The following LRRC28 variants were observed in gnomAD, a reference collection of about 807,000 sequenced individuals.
The protein encoded by LRRC28 is leucine-rich repeat-containing protein 28.
Under a neutral mutation model 45.7 loss-of-function variants are expected in LRRC28, and 39 were observed. The ratio of observed to expected loss-of-function variants is 0.85; its 90% CI spans 0.66 to 1.12. The LOEUF (loss-of-function observed/expected upper bound fraction) is 1.12, where lower values mean the gene tolerates loss of function less well. LRRC28 is among the 50% of genes most tolerant of loss of function. The pLI, the probability that LRRC28 is intolerant of heterozygous loss-of-function variation, is 0.00. For missense variants in LRRC28, 435 were observed against 438.5 expected, an observed-to-expected ratio of 0.99 and a Z score of 0.07; for synonymous variants, 206 against 178.8, an observed-to-expected ratio of 1.15 and a Z score of -1.22.
intron 9 of LRRC28, among the ~76,000 whole-genome samples, chr15:99,374,518 A>G (rs780855515): frequency 6.6e-6 from 1 of 152,196 alleles, no homozygotes; most frequent in Non-Finnish European, 1.5e-5. Context: ...GATTTTCTGC[A>G]TAGAAAATCA....
chr15:99,287,002 A>T (rs2081975161), intron 3 of LRRC28: 1 of 345,132 alleles, frequency 2.9e-6, no homozygotes, highest in Non-Finnish European at 5.3e-6. Context: ...TTTATCCATT[A>T]TGTATGCTTT....
intron 6 of LRRC28, among the ~76,000 whole-genome samples, chr15:99,349,840 T>C (rs1301795371): frequency 6.6e-6 from 1 of 152,188 alleles, no homozygotes; most frequent in African/African-American, 2.4e-5. Flanking sequence ...TTCAAACTCA[T>C]AAGTAGAAAA....
At chr15:99,298,856 G>A (rs1263941675) in intron 5 of LRRC28, among the ~76,000 whole-genome samples, 1 of 152,056 alleles carries the variant, frequency 6.6e-6, no homozygotes, top group Non-Finnish European at 1.5e-5. Context: ...TTACAGACAT[G>A]TGCCACCACA....
chr15:99,270,724 G>T (rs2081455438), intron 2 of LRRC28, among the ~76,000 whole-genome samples: 1 of 152,152 alleles, frequency 6.6e-6, no homozygotes, highest in Non-Finnish European at 1.5e-5. Flanking sequence ...ATTGTGAATA[G>T]TGCTGCTATG....
chr15:99,283,000 C>CT (rs1363921169), intron 3 of LRRC28, among the ~76,000 whole-genome samples: 1 of 152,074 alleles, frequency 6.6e-6, no homozygotes, highest in East Asian at 1.9e-4. Flanking sequence ...TCAAGAGATT[C>CT]TTCTGCCTCA....
chr15:99,292,593 T>C (rs2082153090), intron 5 of LRRC28, among the ~76,000 whole-genome samples: 2 of 151,996 alleles, frequency 1.3e-5, no homozygotes, highest in Admixed American at 1.3e-4. Context: ...CTCGATCTCC[T>C]GACCTCATGA....
At chr15:99,333,116 A>G (rs1956210669) in intron 5 of LRRC28, among the ~76,000 whole-genome samples, 2 of 152,092 alleles carry the variant, frequency 1.3e-5, no homozygotes, top group African/African-American at 4.8e-5. Context: ...CTTCCCCTAA[A>G]ATGGTGATTT....
At chr15:99,385,544 C>A (rs1462762886) in intron 9 of LRRC28, among the ~76,000 whole-genome samples, 1 of 152,224 alleles carries the variant, frequency 6.6e-6, no homozygotes, top group Non-Finnish European at 1.5e-5. Context: ...CTGAAATGAC[C>A]TCTACGAGCA....
At chr15:99,260,223 T>C (rs557834059) in intron 2 of LRRC28, among the ~76,000 whole-genome samples, 1 of 152,320 alleles carries the variant, frequency 6.6e-6, no homozygotes, top group South Asian at 2.1e-4. Flanking sequence ...ATTTGTACTA[T>C]TTAACTGACT....
At position 99,387,737 on chromosome 15, in the gene LRRC28, T is replaced by A. The variant is rs1212253058; in HGVS notation, c.*1635T>A. 1 of 152,182 alleles carries A rather than the reference T, an allele frequency of 6.6e-6. No homozygotes were observed. Among genetic ancestry groups the A allele is most frequent in the Non-Finnish European group, 1.5e-5 (1 of 68,042 alleles). 9.4% of individuals were successfully genotyped at this position (152,182 alleles called of 1,614,324 possible). On this transcript the variant is annotated 3_prime_UTR_variant, in exon 10 of 10. Coordinates refer to ENST00000301981, the MANE Select transcript of LRRC28 (RefSeq NM_144598.5). ...AAGTTTTCTAAAAGGCAGGGCTGAATGGAGAACCAAGAATTTGCTTGGTAG... is the reference window on the plus strand; with the variant it reads ...AAGTTTTCTAAAAGGCAGGGCTGAAAGGAGAACCAAGAATTTGCTTGGTAG...
chr15:99,295,747 A>G (rs1469185042), intron 5 of LRRC28, among the ~76,000 whole-genome samples: 1 of 152,224 alleles, frequency 6.6e-6, no homozygotes, highest in Admixed American at 6.5e-5. Context: ...TTTTAGCCCA[A>G]GTTAATAGCA....
chr15:99,384,283 T>G (rs900362493), intron 9 of LRRC28: 2 of 152,204 alleles, frequency 1.3e-5, no homozygotes, highest in African/African-American at 4.8e-5. Flanking sequence ...GTTTCTGATA[T>G]GAAGAAATGT....
chr15:99,286,605 C>T (rs1458567312), intron 3 of LRRC28: 2 of 152,196 alleles, frequency 1.3e-5, no homozygotes, highest in Non-Finnish European at 2.9e-5. Context: ...GAAGTCTCCA[C>T]CAGAGTGTGC....
intron 2 of LRRC28, 42 bp downstream of exon 2, chr15:99,256,167 G>A (rs777602276): frequency 6.6e-7 from 1 of 1,523,306 alleles, no homozygotes; most frequent in South Asian, 1.3e-5. Flanking sequence ...ATTTATACAT[G>A]TGGTCCTGAT....
intron 2 of LRRC28, chr15:99,259,759 G>A: frequency 1.4e-6 from 2 of 1,389,690 alleles, no homozygotes; most frequent in South Asian, 2.3e-5. Flanking sequence ...ATCTTGCTGT[G>A]GTTTTGTTTG....
At chr15:99,361,644 T>A in intron 8 of LRRC28, 133 bp downstream of exon 8, 1 of 810,480 alleles carries the variant, frequency 1.2e-6, no homozygotes, top group African/African-American at 1.7e-5. Flanking sequence ...AAGTAACCAT[T>A]TTATCCATCT....
At chr15:99,299,650 CT>C (rs1032922648) in intron 5 of LRRC28, among the ~76,000 whole-genome samples, 4 of 152,050 alleles carry the variant, frequency 2.6e-5, no homozygotes, top group African/African-American at 7.2e-5. Context: ...GAGTGAAAAG[CT>C]TTATGATTTG....
chr15:99,301,590 T>C (rs1182857429), intron 5 of LRRC28, among the ~76,000 whole-genome samples: 47 of 152,220 alleles, frequency 3.1e-4, no homozygotes, highest in Admixed American at 3.1e-3. Flanking sequence ...TCCAATGTGG[T>C]AGGTAAATTT....
At chr15:99,358,657 A>G (rs1957113317) in intron 7 of LRRC28, among the ~76,000 whole-genome samples, 1 of 152,198 alleles carries the variant, frequency 6.6e-6, no homozygotes, top group African/African-American at 2.4e-5. Flanking sequence ...GATAAAAAGA[A>G]CAGTTCAATT....
Sources: gnomAD v4.1 joint callset for allele counts (sites outside exome capture counted in the v4.1 genomes callset) on GRCh38, gnomAD v4.1.1 for gene constraint, MANE v1.5 for transcripts, NCBI Gene and HGNC (gene_info 2026-07-23, HGNC 2026-07-21) for gene names.